ERC2: variants seen among roughly 807,000 people sequenced by gnomAD.
ERC2 encodes the protein ERC protein 2.
A neutral mutation model predicts 114.8 loss-of-function variants in ERC2; 42 were observed. The ratio of observed to expected loss-of-function variants is 0.37; its 90% confidence interval spans 0.29 to 0.47. The LOEUF (loss-of-function observed/expected upper bound fraction) is 0.47, where lower values mean the gene tolerates loss of function less well. ERC2 is among the 20% of genes least tolerant of loss of function. The pLI, the probability that ERC2 is intolerant of heterozygous loss-of-function variation, is 0.99. For missense variants in ERC2, 939 were observed against 1,150.7 expected, an observed-to-expected ratio of 0.82 and a Z score of 2.66; for synonymous variants, 454 against 425.5, an observed-to-expected ratio of 1.07 and a Z score of -0.82.
intron 14 of ERC2, 44 bp from the exon 15 acceptor site, chr3:55,734,962 A>G: frequency 1.1e-5 from 17 of 1,488,022 alleles, no homozygotes; most frequent in Non-Finnish European, 1.5e-5. Flanking sequence ...TAAAATAAAA[A>G]AAAAAACAAA....
At chr3:56,377,543 T>A (rs1318241112) in intron 2 of ERC2, among the ~76,000 whole-genome samples, 1 of 152,164 alleles carries the variant, frequency 6.6e-6, no homozygotes, top group African/African-American at 2.4e-5. Context: ...ATGTAGAAAC[T>A]TTCAAATATA....
At chr3:56,149,247 T>G in intron 4 of ERC2, 115 bp from the exon 5 acceptor site, 23 of 913,370 alleles carry the variant, frequency 2.5e-5, no homozygotes, top group Non-Finnish European at 3.2e-5. Flanking sequence ...TTAACCATGG[T>G]ATAGACAGCC....
intron 14 of ERC2, among the ~76,000 whole-genome samples, chr3:55,818,680 G>A (rs983005703): frequency 4.6e-5 from 7 of 152,164 alleles, no homozygotes; most frequent in African/African-American, 1.7e-4. Flanking sequence ...ACCACAGAGG[G>A]GTGCTACGTG....
At chr3:55,810,529 C>T (rs536389449) in intron 14 of ERC2, among the ~76,000 whole-genome samples, 3 of 151,262 alleles carry the variant, frequency 2.0e-5, no homozygotes, top group Admixed American at 6.6e-5. Context: ...ATGGCATGAT[C>T]TCAGCTCACT....
At chr3:56,322,790 A>T (rs2057187291) in intron 2 of ERC2, among the ~76,000 whole-genome samples, 1 of 152,146 alleles carries the variant, frequency 6.6e-6, no homozygotes, top group African/African-American at 2.4e-5. Flanking sequence ...TAGAGTTCAC[A>T]GGAAGGAAGG....
At chr3:56,316,274 A>G (rs968464665) in intron 2 of ERC2, among the ~76,000 whole-genome samples, 5 of 152,240 alleles carry the variant, frequency 3.3e-5, no homozygotes, top group Non-Finnish European at 5.9e-5. Context: ...GGGAAATAAA[A>G]GTGGAAAGAA....
At chr3:56,168,480 TAGGCCCTACAGTCAAA>T (rs1272632375) in intron 4 of ERC2, among the ~76,000 whole-genome samples, 1 of 152,158 alleles carries the variant, frequency 6.6e-6, no homozygotes, top group African/African-American at 2.4e-5. Context: ...TAAACCTAGG[TAGGCCCTACAGTCAAA>T]GAAGTGGCAG....
In ERC2 at chr3:56,026,633, A is replaced by G. The variant is rs78025414; in HGVS notation, c.1642-7602T>C. 1.4e-3 allele frequency among the ~76,000 whole-genome samples: 209 copies of G among 152,320 alleles called. 4 individuals are homozygous for G. In the East Asian group the frequency reaches 0.037, roughly 27 times the overall value. ...TTTCTTTTTGACATTTTATTTTGAG[A>G]TAATTGAAATTTACATACAGTTATA... On this transcript the variant is annotated intron_variant, in intron 7 of 17. Coordinates refer to ENST00000288221, the MANE Select transcript of ERC2 (RefSeq NM_015576.3).
At chr3:56,411,753 C>T (rs533429664) in intron 2 of ERC2, among the ~76,000 whole-genome samples, 118 of 152,244 alleles carry the variant, frequency 7.8e-4, no homozygotes, top group African/African-American at 2.7e-3. Context: ...AGTCACAGGG[C>T]TGGTGAGTAG....
intron 2 of ERC2, among the ~76,000 whole-genome samples, chr3:56,432,834 T>C (rs1246552482): frequency 6.6e-6 from 1 of 152,158 alleles, no homozygotes; most frequent in Non-Finnish European, 1.5e-5. Context: ...AAATAATATC[T>C]GGGAATTTTT....
At chr3:55,552,842 T>A (rs954460476) in intron 17 of ERC2, among the ~76,000 whole-genome samples, 6 of 151,942 alleles carry the variant, frequency 3.9e-5, no homozygotes, top group East Asian at 1.9e-4. Flanking sequence ...ATATATTTTT[T>A]AAAATTGTCC....
intron 2 of ERC2, among the ~76,000 whole-genome samples, chr3:56,329,129 T>C (rs1000572928): frequency 6.6e-6 from 1 of 152,206 alleles, no homozygotes; most frequent in African/African-American, 2.4e-5. Flanking sequence ...CTGAAATAAT[T>C]AAAAGCAAAA....
chr3:56,069,943 AAGACTGC>A, intron 7 of ERC2, among the ~76,000 whole-genome samples: 1 of 152,334 alleles, frequency 6.6e-6, no homozygotes. Flanking sequence ...ACAAAGTACA[AAGACTGC>A]AGTATCAGAA....
chr3:56,224,395 A>T (rs2050118501), intron 3 of ERC2, among the ~76,000 whole-genome samples: 1 of 152,180 alleles, frequency 6.6e-6, no homozygotes, highest in African/African-American at 2.4e-5. Flanking sequence ...GATAAAAATG[A>T]CCAGGAGTTC....
intron 7 of ERC2, among the ~76,000 whole-genome samples, chr3:56,062,823 T>C (rs2076302843): frequency 6.6e-6 from 1 of 152,174 alleles, no homozygotes; most frequent in Admixed American, 6.6e-5. Flanking sequence ...CCTGGGGTAA[T>C]GCATTTGATT....
chr3:56,352,334 T>C (rs148301875), intron 2 of ERC2, among the ~76,000 whole-genome samples: 51 of 152,256 alleles, frequency 3.3e-4, no homozygotes, highest in African/African-American at 1.1e-3. Context: ...ACAGCATCAG[T>C]AGGCATTTGG....
chr3:55,868,570 C>T (rs774978872), intron 14 of ERC2, among the ~76,000 whole-genome samples: 2 of 152,246 alleles, frequency 1.3e-5, no homozygotes, highest in Non-Finnish European at 2.9e-5. Flanking sequence ...GTTCTGTGGA[C>T]TTCCACATCA....
chr3:56,451,368 C>G (rs1007169716), intron 1 of ERC2, among the ~76,000 whole-genome samples: 2 of 151,504 alleles, frequency 1.3e-5, no homozygotes, highest in Non-Finnish European at 2.9e-5. Flanking sequence ...AGATTGTAAG[C>G]TATTAAAAAA....
intron 17 of ERC2, among the ~76,000 whole-genome samples, chr3:55,655,055 G>A (rs987271768): frequency 1.3e-5 from 2 of 152,088 alleles, no homozygotes; most frequent in African/African-American, 4.8e-5. Flanking sequence ...GATGCCCCTT[G>A]GAGCAGCCCT....
Sources: allele counts gnomAD v4.1 joint callset (sites outside exome capture counted in the v4.1 genomes callset), GRCh38; gene constraint gnomAD v4.1.1; transcripts MANE v1.5; gene names NCBI Gene and HGNC (gene_info 2026-07-23, HGNC 2026-07-21).